Variants in GPC5 observed in about 807,000 individuals in gnomAD.
GPC5 encodes glypican 5.
Under a neutral mutation model 53.9 loss-of-function variants are expected in GPC5, and 47 were observed. That is an observed-to-expected ratio of 0.87 (90% CI 0.69 to 1.11). The LOEUF (loss-of-function observed/expected upper bound fraction) is 1.11, where lower values mean the gene tolerates loss of function less well. GPC5 is among the 50% of genes most tolerant of loss of function. GPC5 has a pLI of 0.00. For missense variants in GPC5, 748 were observed against 713.1 expected (o/e 1.05, Z -0.56); for synonymous variants, 286 against 263.3 (o/e 1.09, Z -0.84).
chr13:92,807,669 A>G (rs1015869887), intron 7 of GPC5, among the ~76,000 whole-genome samples: 6 of 152,080 alleles, frequency 3.9e-5, no homozygotes, highest in African/African-American at 1.4e-4. Flanking sequence ...ATCAGTGAAC[A>G]TTTTTGATCT....
At chr13:92,400,548 T>C (rs201117054) in intron 7 of GPC5, among the ~76,000 whole-genome samples, 13 of 152,292 alleles carry the variant, frequency 8.5e-5, no homozygotes, top group South Asian at 6.2e-4. Flanking sequence ...TCTTACCCTT[T>C]CCATATATCC....
At chr13:92,285,932 A>C (rs375658944) in intron 7 of GPC5, among the ~76,000 whole-genome samples, 3 of 151,580 alleles carry the variant, frequency 2.0e-5, no homozygotes, top group Non-Finnish European at 4.4e-5. Flanking sequence ...GCAAAAAAAA[A>C]CCTACCATCA....
At chr13:92,115,819 C>G (rs944261583) in intron 6 of GPC5, among the ~76,000 whole-genome samples, 1 of 152,078 alleles carries the variant, frequency 6.6e-6, no homozygotes, top group Non-Finnish European at 1.5e-5. Flanking sequence ...CCACCCCCAC[C>G]GCAAAATTCC....
intron 7 of GPC5, among the ~76,000 whole-genome samples, chr13:92,864,573 T>A (rs1594558966): frequency 1.3e-5 from 2 of 151,584 alleles, no homozygotes; most frequent in East Asian, 1.9e-4. Flanking sequence ...AAAAAAAAAA[T>A]ATTTTTAATT....
At chr13:92,093,627 A>T (rs988191135) in intron 6 of GPC5, among the ~76,000 whole-genome samples, 1 of 152,196 alleles carries the variant, frequency 6.6e-6, no homozygotes, top group African/African-American at 2.4e-5. Flanking sequence ...AATACTTCTA[A>T]TGTACTCTAT....
chr13:92,543,334 C>T (rs1881988474), intron 7 of GPC5, among the ~76,000 whole-genome samples: 1 of 152,024 alleles, frequency 6.6e-6, no homozygotes, highest in Non-Finnish European at 1.5e-5. Flanking sequence ...TTAAATTTCT[C>T]ATTCAGATCA....
intron 7 of GPC5, among the ~76,000 whole-genome samples, chr13:92,430,305 T>C (rs1051745924): frequency 6.6e-6 from 1 of 152,162 alleles, no homozygotes; most frequent in East Asian, 1.9e-4. Flanking sequence ...GGCCATAGGA[T>C]TACTATTGAT....
At position 91,795,618 on chromosome 13, in the gene GPC5, G is replaced by T. The variant is rs545426996; in HGVS notation, c.1280+39198G>T. Among the ~76,000 whole-genome samples, 14 of 152,176 alleles carry T rather than the reference G, an allele frequency of 9.2e-5. No individual in the cohort carries two copies. The East Asian group carries it at 2.5e-3, about 27-fold the overall frequency. On this transcript the variant is annotated intron_variant, in intron 5 of 7. Coordinates refer to ENST00000377067, the MANE Select transcript of GPC5 (RefSeq NM_004466.6). The stretch of plus-strand genomic sequence containing the variant: ...CTAGGGTATCTTAGTTGCTTCATTT[G>T]CTTTCAATAAGATGCTTACTTACAC...
intron 7 of GPC5, among the ~76,000 whole-genome samples, chr13:92,503,425 A>G (rs762654566): frequency 6.6e-6 from 1 of 151,780 alleles, no homozygotes; most frequent in Non-Finnish European, 1.5e-5. Context: ...GTAGCAGTTA[A>G]TGCTTACACA....
chr13:91,518,447 A>G (rs972487254), intron 2 of GPC5, among the ~76,000 whole-genome samples: 3 of 152,250 alleles, frequency 2.0e-5, no homozygotes, highest in Non-Finnish European at 4.4e-5. Flanking sequence ...TTTATTTTAA[A>G]AGTTTATTTC....
chr13:92,346,138 T>C (rs1372056188), intron 7 of GPC5, among the ~76,000 whole-genome samples: 2 of 152,114 alleles, frequency 1.3e-5, no homozygotes, highest in African/African-American at 4.8e-5. Context: ...AGCCATCAAA[T>C]GGCCACTCAG....
At chr13:91,811,131 A>G (rs1022082908) in intron 5 of GPC5, among the ~76,000 whole-genome samples, 2 of 152,042 alleles carry the variant, frequency 1.3e-5, no homozygotes, top group African/African-American at 4.8e-5. Flanking sequence ...AATTTAAAAA[A>G]TAGTCTGGGT....
chr13:92,312,196 T>C (rs1044128607), intron 7 of GPC5, among the ~76,000 whole-genome samples: 1 of 152,182 alleles, frequency 6.6e-6, no homozygotes, highest in Non-Finnish European at 1.5e-5. Context: ...TTAAAGAATA[T>C]GGATTTCAAA....
intron 2 of GPC5, among the ~76,000 whole-genome samples, chr13:91,535,902 T>C (rs1407407227): frequency 1.3e-5 from 2 of 152,198 alleles, no homozygotes; most frequent in African/African-American, 4.8e-5. Flanking sequence ...CTAGTGCTAA[T>C]ATAATATTTG....
chr13:92,268,536 A>T (rs1382007662), intron 7 of GPC5, among the ~76,000 whole-genome samples: 1 of 151,988 alleles, frequency 6.6e-6, no homozygotes, highest in African/African-American at 2.4e-5. Flanking sequence ...TTTATAATAA[A>T]TTATTTAACC....
chr13:92,659,399 CTTTTTTT>C (rs71123427), intron 7 of GPC5, among the ~76,000 whole-genome samples: 4 of 127,360 alleles, frequency 3.1e-5, no homozygotes, highest in Non-Finnish European at 5.1e-5. Flanking sequence ...ATTTGGTTGA[CTTTTTTT>C]TTTTTTTTTT....
intron 7 of GPC5, among the ~76,000 whole-genome samples, chr13:92,798,014 T>C (rs1017828957): frequency 6.6e-6 from 1 of 151,856 alleles, no homozygotes; most frequent in Non-Finnish European, 1.5e-5. Flanking sequence ...CCCCCAACCA[T>C]GCTTAGTAAC....
intron 7 of GPC5, among the ~76,000 whole-genome samples, chr13:92,762,790 G>C (rs1224826857): frequency 6.6e-6 from 1 of 151,094 alleles, no homozygotes; most frequent in Non-Finnish European, 1.5e-5. Flanking sequence ...TCTCTTATTG[G>C]GTAATTTCAA....
chr13:91,454,803 C>T (rs541253814), intron 2 of GPC5, among the ~76,000 whole-genome samples: 2 of 152,082 alleles, frequency 1.3e-5, no homozygotes, highest in East Asian at 3.9e-4. Context: ...GATTCACCTG[C>T]TTTTTAAAAT....
Sources: allele counts gnomAD v4.1 joint callset (sites outside exome capture counted in the v4.1 genomes callset), GRCh38; gene constraint gnomAD v4.1.1; transcripts MANE v1.5; gene names NCBI Gene and HGNC (gene_info 2026-07-23, HGNC 2026-07-21).